Variants in FOCAD observed in about 807,000 individuals in gnomAD.
FOCAD encodes focadhesin.
FOCAD carries 198 observed loss-of-function variants against 225.6 expected under a neutral mutation model. That is an observed-to-expected ratio of 0.88 (90% confidence interval 0.78 to 0.99). The LOEUF is 0.99. FOCAD is among the 50% of genes least tolerant of loss of function. FOCAD has a pLI of 0.00. For synonymous variants in FOCAD, 897 were observed against 755.0 expected, an observed-to-expected ratio of 1.19 and a Z score of -3.08; for missense variants, 2,713 against 2,123.6, an observed-to-expected ratio of 1.28 and a Z score of -5.46.
chr9:20,980,064 C>G (rs2068430677), intron 37 of FOCAD, among the ~76,000 whole-genome samples: 1 of 152,000 alleles, frequency 6.6e-6, no homozygotes, highest in African/African-American at 2.4e-5. Context: ...CAAGCCACCA[C>G]CAATCTGCTT....
chr9:20,840,417 A>T (rs1826402028), intron 15 of FOCAD, among the ~76,000 whole-genome samples: 1 of 135,254 alleles, frequency 7.4e-6, no homozygotes, highest in African/African-American at 2.7e-5. Flanking sequence ...ATTTTATTTT[A>T]TGTAGAGGTA....
chr9:20,886,962 C>T (rs1274188301), intron 21 of FOCAD, among the ~76,000 whole-genome samples: 1 of 152,152 alleles, frequency 6.6e-6, no homozygotes, highest in Non-Finnish European at 1.5e-5. Flanking sequence ...AGTAGAGGAG[C>T]CTGGAAATTG....
chr9:20,914,331 T>C (rs1036153799), intron 23 of FOCAD, among the ~76,000 whole-genome samples: 1 of 151,792 alleles, frequency 6.6e-6, no homozygotes, highest in African/African-American at 2.4e-5. Flanking sequence ...CCAAAGCTTA[T>C]ACTTGAGTAG....
chr9:20,941,679 A>G (rs1836669209), intron 28 of FOCAD, among the ~76,000 whole-genome samples: 1 of 152,238 alleles, frequency 6.6e-6, no homozygotes, highest in South Asian at 2.1e-4. Context: ...TTAAAAACTC[A>G]AATTATCTTT....
chr9:20,976,383 C>T (rs200267214), intron 35 of FOCAD, 37 bp from the exon 36 acceptor site: 18 of 1,596,922 alleles, frequency 1.1e-5, no homozygotes, highest in Non-Finnish European at 1.5e-5. Context: ...TGATAGTATG[C>T]AGGTGTTTTA....
chr9:20,952,104 G>A (rs1422032069), intron 34 of FOCAD, among the ~76,000 whole-genome samples: 1 of 152,166 alleles, frequency 6.6e-6, no homozygotes, highest in African/African-American at 2.4e-5. Context: ...GAAGCCCTGG[G>A]TAATACTAGT....
chr9:20,933,087 A>G lies in FOCAD; in HGVS notation c.3391A>G (p.Thr1131Ala), dbSNP rs145248690. Residue 1131 changes from threonine (T) to alanine (A), a missense_variant, in exon 28 of 44, where the codon ACT becomes GCT. Physicochemically the swap from Thr to Ala is moderately conservative, Grantham distance 58. Coordinates refer to ENST00000338382, the MANE Select transcript of FOCAD (RefSeq NM_001375567.1). The part of the protein sequence containing the change: ...LDALENCCFD[T>A]SLEYNTGCIL... ...TGCCCTGGAAAATTGCTGCTTTGAC[A>G]CTAGTCTTGAATACAAGTATGTTGT... The G allele has an allele frequency of 1.2e-6, 2 of 1,613,450 alleles. No homozygotes were observed. Among genetic ancestry groups the G allele is most frequent in the African/African-American group, 2.7e-5 (2 of 74,894 alleles).
intron 15 of FOCAD, among the ~76,000 whole-genome samples, chr9:20,851,881 C>T (rs191934587): frequency 1.3e-4 from 19 of 151,908 alleles, no homozygotes; most frequent in Non-Finnish European, 3.0e-5. Context: ...CAACCATGCT[C>T]ATTTGTTTAT....
chr9:20,824,315 C>T (rs568024301), intron 15 of FOCAD, among the ~76,000 whole-genome samples: 1 of 152,124 alleles, frequency 6.6e-6, no homozygotes, highest in South Asian at 2.1e-4. Context: ...GAATTCTAAA[C>T]TTTCACCACC....
At chr9:20,737,406 A>C (rs768689633) in intron 4 of FOCAD, among the ~76,000 whole-genome samples, 3 of 152,226 alleles carry the variant, frequency 2.0e-5, no homozygotes, top group Non-Finnish European at 4.4e-5. Context: ...GGATTATTTA[A>C]TGAATTTGTA....
intron 4 of FOCAD, among the ~76,000 whole-genome samples, chr9:20,723,230 G>A (rs1351136562): frequency 1.3e-5 from 2 of 152,240 alleles, no homozygotes; most frequent in East Asian, 3.8e-4. Context: ...ACTCATGCCC[G>A]TAATCCCAAT....
At chr9:20,672,444 A>G (rs1563867570) in intron 2 of FOCAD, among the ~76,000 whole-genome samples, 1 of 152,102 alleles carries the variant, frequency 6.6e-6, no homozygotes, top group Non-Finnish European at 1.5e-5. Context: ...CTTAAAAATA[A>G]ATTATTATTA....
rs764578830 is a variant in FOCAD, at chr9:20,944,609, T to C, written c.3408-18T>C. 2 of 1,607,632 alleles carry C rather than the reference T, an allele frequency of 1.2e-6. No individual in the cohort carries two copies. The highest frequency in any genetic ancestry group is 2.2e-5 in the East Asian group (1 of 44,680). On this transcript the variant is annotated intron_variant, in intron 28 of 43. Coordinates refer to ENST00000338382, the MANE Select transcript of FOCAD (RefSeq NM_001375567.1). ...GATTTCTTATGATCCTAACATCTTATCTTTTTTGGCTTCCAAGCACGGGCT... is the reference window on the plus strand; with the variant it reads ...GATTTCTTATGATCCTAACATCTTACCTTTTTTGGCTTCCAAGCACGGGCT...
At chr9:20,870,619 A>T (rs1829675652) in intron 18 of FOCAD, among the ~76,000 whole-genome samples, 1 of 152,190 alleles carries the variant, frequency 6.6e-6, no homozygotes, top group Non-Finnish European at 1.5e-5. Flanking sequence ...CTCTCTTGTG[A>T]TGCTAGGCAA....
intron 21 of FOCAD, among the ~76,000 whole-genome samples, chr9:20,893,857 C>G (rs1831843411): frequency 6.6e-6 from 1 of 152,000 alleles, no homozygotes; most frequent in South Asian, 2.1e-4. Flanking sequence ...AATAATGAAC[C>G]TACATTGACA....
chr9:20,768,508 A>G (rs1817826861), intron 7 of FOCAD, among the ~76,000 whole-genome samples: 2 of 151,552 alleles, frequency 1.3e-5, no homozygotes, highest in African/African-American at 4.9e-5. Context: ...TTCCTTGAGC[A>G]GTGGTTTGTA....
chr9:20,758,029 G>A, intron 5 of FOCAD, 61 bp from the exon 6 acceptor site: 1 of 1,078,628 alleles, frequency 9.3e-7, no homozygotes, highest in East Asian at 2.6e-5. Flanking sequence ...TGCTATATTT[G>A]GATATTGAAA....
At chr9:20,789,150 G>A (rs1350221013) in intron 10 of FOCAD, among the ~76,000 whole-genome samples, 1 of 152,090 alleles carries the variant, frequency 6.6e-6, no homozygotes, top group African/African-American at 2.4e-5. Flanking sequence ...CTCTTCTGGA[G>A]TTCCATCTAA....
chr9:20,948,685 C>G (rs1224959388), intron 31 of FOCAD, among the ~76,000 whole-genome samples, 166 bp from the exon 32 acceptor site: 1 of 152,130 alleles, frequency 6.6e-6, no homozygotes, highest in Admixed American at 6.5e-5. Context: ...TAATCTGTTA[C>G]TTTATTTTAG....
Sources: gnomAD v4.1 joint callset for allele counts (sites outside exome capture counted in the v4.1 genomes callset) on GRCh38, gnomAD v4.1.1 for gene constraint, MANE v1.5 for transcripts, NCBI Gene and HGNC (gene_info 2026-07-23, HGNC 2026-07-21) for gene names.